Variants in SENP1 observed in about 807,000 individuals in gnomAD.
SENP1 encodes the protein SUMO specific peptidase 1.
In SENP1, 21 loss-of-function variants were observed where a neutral mutation model predicts 93.0. The ratio of observed to expected loss-of-function variants is 0.23; its 90% CI spans 0.16 to 0.33. The LOEUF is 0.33. Ranked by LOEUF, SENP1 falls within the 10% of genes least tolerant of loss-of-function variation. The probability of loss-of-function intolerance (pLI) is 1.00; values close to 1 mark genes in which losing one functional copy is unlikely to be tolerated. For missense variants in SENP1, 591 were observed against 758.7 expected, an observed-to-expected ratio of 0.78 and a Z score of 2.60; for synonymous variants, 256 against 259.6, an observed-to-expected ratio of 0.99 and a Z score of 0.13.
chr12:48,078,354 C>CACACACACACATACATATATATAT (rs1944279643), intron 6 of SENP1, among the ~76,000 whole-genome samples: 3 of 61,728 alleles, frequency 4.9e-5, no homozygotes, highest in African/African-American at 1.3e-4. Flanking sequence ...TATATATATA[C>CACACACACACATACATATATATAT]ACACACACAC....
At chr12:48,073,435 A>C (rs1012071933) in intron 8 of SENP1, among the ~76,000 whole-genome samples, 3 of 152,012 alleles carry the variant, frequency 2.0e-5, no homozygotes, top group Non-Finnish European at 2.9e-5. Flanking sequence ...AAAAAACCTC[A>C]AACAACCTGA....
In SENP1 at chr12:48,045,331, T is replaced by C; in HGVS notation, c.1926A>G (p.Lys642=). Residue 642 remains lysine (K), a synonymous_variant, in exon 18 of 18, where the codon AAA becomes AAG. Transcript: ENST00000549518. ...CTAAGTGAGACAGTCTTCACAAGAGTTTTCGGTGGAGGATCTCCCAGACCA... is the reference window on the plus strand; with the variant it reads ...CTAAGTGAGACAGTCTTCACAAGAGCTTTCGGTGGAGGATCTCCCAGACCA... ...KRMVWEILHR[K]LL 1.2e-6 allele frequency: 2 copies of C among 1,613,416 alleles called. No individual in the cohort carries two copies. The highest frequency in any genetic ancestry group is 1.7e-6 in the Non-Finnish European group (2 of 1,179,642).
intron 10 of SENP1, among the ~76,000 whole-genome samples, chr12:48,066,407 A>C (rs1259554866): frequency 6.6e-6 from 1 of 152,196 alleles, no homozygotes; most frequent in Admixed American, 6.5e-5. Flanking sequence ...TTCCAATTTA[A>C]TTTAGCTTCA....
At position 48,098,014 on chromosome 12, in the gene SENP1, G is replaced by C; in HGVS notation, c.115C>G (p.Leu39Val). The stretch of plus-strand genomic sequence containing the variant: ...CTAACCTGCTGGTCAGAAAGCGAAA[G>C]CTGGTCCTCTGGAAAACCTGTTTGT... The part of the protein sequence containing the change: ...LPQTGFPEDQ[L>V]SLSDQQILSS... Residue 39 changes from leucine to valine, a missense_variant, in exon 3 of 18, where the codon CTT becomes GTT. By Grantham distance (32) the Leu-to-Val change is conservative (BLOSUM62 1). Around this residue, in one of 4 missense-constraint regions of SENP1, gnomAD observed 214 missense variants for 243.4 expected, o/e 0.88. Transcript: ENST00000549518. 1 of 1,613,774 alleles carries C rather than the reference G, an allele frequency of 6.2e-7. No homozygotes were observed. Among genetic ancestry groups the C allele is most frequent in the Non-Finnish European group, 8.5e-7 (1 of 1,179,774 alleles).
At chr12:48,058,606 A>G (rs1942746604) in intron 13 of SENP1, among the ~76,000 whole-genome samples, 2 of 152,150 alleles carry the variant, frequency 1.3e-5, no homozygotes, top group Admixed American at 1.3e-4. Context: ...TTCCAACAGT[A>G]TATTTGTCCA....
intron 5 of SENP1, chr12:48,085,369 A>C (rs906892028): frequency 2.9e-6 from 4 of 1,382,454 alleles, no homozygotes; most frequent in Non-Finnish European, 4.1e-6. Flanking sequence ...GACGCCAAGG[A>C]CTCCACCCTG....
At chr12:48,082,311 C>T (rs185649208) in intron 6 of SENP1, among the ~76,000 whole-genome samples, 1 of 152,270 alleles carries the variant, frequency 6.6e-6, no homozygotes, top group Admixed American at 6.5e-5. Context: ...GCAGGTAATG[C>T]TGTATTCTTG....
intron 9 of SENP1, among the ~76,000 whole-genome samples, chr12:48,068,245 T>C (rs1373294662): frequency 6.6e-6 from 1 of 152,146 alleles, no homozygotes; most frequent in Admixed American, 6.5e-5. Context: ...AGGTATCCAC[T>C]GGCTCCGGAA....
chr12:48,048,881 A>C, intron 14 of SENP1, 48 bp downstream of exon 14: 2 of 1,427,504 alleles, frequency 1.4e-6, no homozygotes, highest in Middle Eastern at 1.8e-4. Flanking sequence ...TGTGTGTTCT[A>C]TAAGTACATA....
chr12:48,065,459 G>A (rs1057491940), intron 11 of SENP1, 137 bp downstream of exon 11: 32 of 653,830 alleles, frequency 4.9e-5, no homozygotes, highest in Admixed American at 8.4e-5. Context: ...GAACATTTAC[G>A]ACATATCATA....
At chr12:48,067,510 A>G (rs1351262120) in intron 9 of SENP1, among the ~76,000 whole-genome samples, 1 of 152,246 alleles carries the variant, frequency 6.6e-6, no homozygotes, top group Non-Finnish European at 1.5e-5. Context: ...AGCCACAGAC[A>G]TGATTAATTG....
At chr12:48,071,570 C>G in intron 9 of SENP1, 97 bp downstream of exon 9, 1 of 778,978 alleles carries the variant, frequency 1.3e-6, no homozygotes, top group Non-Finnish European at 2.1e-6. Context: ...GAACCAAGAT[C>G]GCGCCACTAC....
intron 12 of SENP1, among the ~76,000 whole-genome samples, chr12:48,064,262 CT>C (rs934380392): frequency 2.0e-5 from 3 of 151,310 alleles, no homozygotes; most frequent in Admixed American, 6.6e-5. Flanking sequence ...TCTTAGAGAT[CT>C]TTTTTTTTAA....
At chr12:48,068,750 G>T (rs778418061) in intron 9 of SENP1, among the ~76,000 whole-genome samples, 11 of 151,918 alleles carry the variant, frequency 7.2e-5, no homozygotes, top group Non-Finnish European at 1.0e-4. Flanking sequence ...AGATACAAAA[G>T]TATTAGTAAC....
chr12:48,043,593 A>G lies in SENP1; in HGVS notation c.*1729T>C, dbSNP rs1211323322. 2 of 152,580 alleles carry G rather than the reference A, an allele frequency of 1.3e-5. No individual in the cohort carries two copies. The highest frequency in any genetic ancestry group is 4.8e-5 in the African/African-American group (2 of 41,424). 9.5% of individuals were successfully genotyped at this position (152,580 alleles called of 1,614,324 possible). ...ATAGAAAGCTATTTATTTCCTATAGAAAACTCAAAAACAAAGAAAAAGAAA... is the reference window on the plus strand; with the variant it reads ...ATAGAAAGCTATTTATTTCCTATAGGAAACTCAAAAACAAAGAAAAAGAAA... On this transcript the variant is annotated 3_prime_UTR_variant, in exon 18 of 18. Transcript: ENST00000549518.
At chr12:48,091,640 A>T (rs1357761507) in intron 4 of SENP1, among the ~76,000 whole-genome samples, 3 of 152,162 alleles carry the variant, frequency 2.0e-5, no homozygotes, top group African/African-American at 7.2e-5. Flanking sequence ...AAGCACAAGC[A>T]AAATCACTTC....
rs370021236 is a variant in SENP1 at position 48,078,317 on chromosome 12, T to TTATATATATATATATATATATGTA, written c.553-3525_553-3524insTACATATATATATATATATATATA. ...GTTTTTTGGTGGAGTCTGTAGGATTTTATATATATATATATATACACACAC... is the reference window on the plus strand; with the variant it reads ...GTTTTTTGGTGGAGTCTGTAGGATTTTATATATATATATATATATATGTATATATATATATATATATACACACAC... On this transcript the variant is annotated intron_variant, in intron 6 of 17. Transcript: ENST00000549518. Among the ~76,000 whole-genome samples, 2 of 70,742 alleles carry TTATATATATATATATATATATGTA rather than the reference T, an allele frequency of 2.8e-5. 1 individual carries two copies. The highest frequency in any genetic ancestry group is 9.9e-5 in the African/African-American group (2 of 20,232). 46.4% of individuals were successfully genotyped at this position (70,742 alleles called of 152,430 possible). A position where few individuals can be genotyped will look rare whatever the true frequency, so the allele number is the denominator to read the frequency against.
intron 2 of SENP1, among the ~76,000 whole-genome samples, chr12:48,098,862 A>C (rs943099378): frequency 6.6e-6 from 1 of 152,056 alleles, no homozygotes; most frequent in Non-Finnish European, 1.5e-5. Flanking sequence ...ACAACTCTGC[A>C]ATAAAATAAA....
At chr12:48,085,127 G>C in intron 5 of SENP1, 1 of 1,405,594 alleles carries the variant, frequency 7.1e-7, no homozygotes, top group Non-Finnish European at 1.0e-6. Context: ...GTTTCCTGCT[G>C]GGCAGCATAG....
Sources: gnomAD v4.1 joint callset for allele counts (sites outside exome capture counted in the v4.1 genomes callset) on GRCh38, gnomAD v4.1.1 for gene constraint, gnomAD v4.1.1 regional missense constraint, MANE v1.5 for transcripts, NCBI Gene and HGNC (gene_info 2026-07-23, HGNC 2026-07-21) for gene names.